Variants in LOC128706665 observed in about 807,000 individuals in gnomAD.
At chr20:10,420,063 C>G in the LOC128706665 span, among the ~76,000 whole-genome samples, 5 of 151,754 alleles carry the variant, frequency 3.3e-5, no homozygotes, top group African/African-American at 1.2e-4. Flanking sequence ...GACTATAGAC[C>G]TAAATTATAT....
the LOC128706665 span, chr20:10,431,669 T>C: frequency 6.6e-6 from 1 of 152,162 alleles, no homozygotes. Context: ...TTAGTCTCAA[T>C]CCATTTTTAC....
chr20:10,417,313 T>TA, the LOC128706665 span, among the ~76,000 whole-genome samples: 1 of 151,880 alleles, frequency 6.6e-6, no homozygotes, highest in Non-Finnish European at 1.5e-5. Flanking sequence ...ACTTGCCTGT[T>TA]AATCTTAGCA....
At chr20:10,430,465 T>A in the LOC128706665 span, among the ~76,000 whole-genome samples, 1 of 152,152 alleles carries the variant, frequency 6.6e-6, no homozygotes, top group Non-Finnish European at 1.5e-5. Flanking sequence ...ATTTTGATTA[T>A]GTCAAAAAGA....
chr20:10,421,801 T>C, the LOC128706665 span, among the ~76,000 whole-genome samples: 2 of 151,544 alleles, frequency 1.3e-5, no homozygotes, highest in African/African-American at 2.4e-5. Flanking sequence ...TATTTTAAAT[T>C]TGGAAAGGAT....
the LOC128706665 span, among the ~76,000 whole-genome samples, chr20:10,432,383 C>T: frequency 6.6e-6 from 1 of 152,222 alleles, no homozygotes; most frequent in African/African-American, 2.4e-5. Flanking sequence ...CAACCTAGGA[C>T]AATCTAGAAA....
the LOC128706665 span, among the ~76,000 whole-genome samples, chr20:10,429,774 C>T: frequency 1.3e-5 from 2 of 152,188 alleles, no homozygotes; most frequent in South Asian, 2.1e-4. Flanking sequence ...CACATGACCT[C>T]CTTGCTTCAA....
chr20:10,417,427 A>G, the LOC128706665 span, among the ~76,000 whole-genome samples: 3 of 152,230 alleles, frequency 2.0e-5, no homozygotes, highest in African/African-American at 7.2e-5. Flanking sequence ...CCTGGGCAAC[A>G]CAGCAAGACC....
the LOC128706665 span, among the ~76,000 whole-genome samples, chr20:10,428,913 C>T: frequency 1.3e-5 from 2 of 152,144 alleles, no homozygotes; most frequent in Non-Finnish European, 2.9e-5. Flanking sequence ...TACCTGTGTT[C>T]CAGTCCCACT....
the LOC128706665 span, among the ~76,000 whole-genome samples, chr20:10,433,279 CA>C: frequency 6.6e-6 from 1 of 152,222 alleles, no homozygotes; most frequent in African/African-American, 2.4e-5. Flanking sequence ...TGCGGGGTTA[CA>C]GGGGTGAGCC....
chr20:10,426,264 A>G, the LOC128706665 span, among the ~76,000 whole-genome samples: 2 of 152,212 alleles, frequency 1.3e-5, no homozygotes, highest in Non-Finnish European at 2.9e-5. Context: ...CTTCAAGTCA[A>G]GAATTAGTGC....
chr20:10,429,665 G>C, the LOC128706665 span, among the ~76,000 whole-genome samples: 12 of 152,062 alleles, frequency 7.9e-5, no homozygotes, highest in Non-Finnish European at 1.6e-4. Context: ...TTTTCCTCAT[G>C]CTCCTCATCA....
At chr20:10,420,553 C>T in the LOC128706665 span, 1 of 152,164 alleles carries the variant, frequency 6.6e-6, no homozygotes. Context: ...CTGCTACTTC[C>T]CCTGGATTTG....
the LOC128706665 span, among the ~76,000 whole-genome samples, chr20:10,416,926 T>C: frequency 2.0e-5 from 3 of 152,226 alleles, no homozygotes; most frequent in African/African-American, 7.2e-5. Context: ...AGGGTTGGTA[T>C]AGACACTATA....
chr20:10,418,257 C>T, the LOC128706665 span, among the ~76,000 whole-genome samples: 4 of 152,168 alleles, frequency 2.6e-5, no homozygotes, highest in Non-Finnish European at 5.9e-5. Context: ...ACTGGCAAAA[C>T]GCTGTTAACT....
the LOC128706665 span, among the ~76,000 whole-genome samples, chr20:10,428,324 C>T: frequency 5.3e-5 from 8 of 152,282 alleles, no homozygotes; most frequent in African/African-American, 1.9e-4. Flanking sequence ...AGATCAGATA[C>T]CTAGATGAAT....
the LOC128706665 span, chr20:10,413,811 G>A: frequency 1.9e-6 from 1 of 524,804 alleles, no homozygotes; most frequent in Admixed American, 3.5e-5. Flanking sequence ...CAAAAAGTAT[G>A]TTCCAAGATG....
the LOC128706665 span, among the ~76,000 whole-genome samples, chr20:10,429,847 T>C: frequency 6.6e-6 from 1 of 152,300 alleles, no homozygotes; most frequent in East Asian, 1.9e-4. Context: ...GGGAATTTAC[T>C]AGAAATGCAA....
chr20:10,427,081 A>ACACACACACACACACACACACAC, the LOC128706665 span, among the ~76,000 whole-genome samples: 2 of 85,700 alleles, frequency 2.3e-5, no homozygotes. Flanking sequence ...CACACACACA[A>ACACACACACACACACACACACAC]AGTAAGGTTA....
At chr20:10,421,665 T>A in the LOC128706665 span, among the ~76,000 whole-genome samples, 2 of 152,018 alleles carry the variant, frequency 1.3e-5, no homozygotes, top group Non-Finnish European at 2.9e-5. Context: ...CATTTTAGAG[T>A]GTTTGCCCTG....
Sources: allele counts gnomAD v4.1 joint callset (sites outside exome capture counted in the v4.1 genomes callset), GRCh38; gene constraint gnomAD v4.1.1; transcripts MANE v1.5.